LIMCH1: variants seen among roughly 807,000 people sequenced by gnomAD.
LIMCH1 encodes LIM and calponin homology domains-containing protein 1.
Under a neutral mutation model 176.5 loss-of-function variants are expected in LIMCH1, and 113 were observed. The observed-to-expected ratio is 0.64, with a 90% CI of 0.55 to 0.75. The LOEUF (loss-of-function observed/expected upper bound fraction) is 0.75. LIMCH1 is among the 30% of genes least tolerant of loss of function. The pLI, the probability that LIMCH1 is intolerant of heterozygous loss-of-function variation, is 0.00. For synonymous variants in LIMCH1, 619 were observed against 645.9 expected, an observed-to-expected ratio of 0.96 and a Z score of 0.63; for missense variants, 1,674 against 1,814.9, an observed-to-expected ratio of 0.92 and a Z score of 1.41.
chr4:41,632,696 G>C lies in LIMCH1; in HGVS notation c.1602-53G>C, dbSNP rs1238246519. 7.1e-6 allele frequency: 10 copies of C among 1,407,700 alleles called. No homozygotes were observed. In the East Asian group the frequency reaches 2.5e-4, roughly 35 times the overall value. The allele number at this position is 1,407,700 out of a possible 1,614,324, so 87.2% of individuals were successfully genotyped here. On this transcript the variant is annotated intron_variant, in intron 10 of 31. Transcript: ENST00000503057. ...CCAAGGACTTTCACTGTCTTCTTTC[G>C]TAACCCATGTTCCTCTCCTCTCTTG...
intron 1 of LIMCH1, among the ~76,000 whole-genome samples, chr4:41,550,445 C>G (rs942379258): frequency 6.6e-6 from 1 of 152,070 alleles, no homozygotes; most frequent in Non-Finnish European, 1.5e-5. Context: ...TCTCATTTCA[C>G]CATCTCTAGG....
chr4:41,378,644 A>G (rs770703232), intron 1 of LIMCH1, among the ~76,000 whole-genome samples: 1 of 152,182 alleles, frequency 6.6e-6, no homozygotes, highest in Non-Finnish European at 1.5e-5. Context: ...GGGAGGCCAT[A>G]GGGTTGTTGC....
intron 1 of LIMCH1, among the ~76,000 whole-genome samples, chr4:41,404,853 G>A (rs1016911789): frequency 6.6e-6 from 1 of 152,094 alleles, no homozygotes; most frequent in African/African-American, 2.4e-5. Flanking sequence ...TCCAGGGCAT[G>A]TTAGTTCATT....
At chr4:41,473,284 C>A in intron 1 of LIMCH1, 1 of 641,166 alleles carries the variant, frequency 1.6e-6, no homozygotes, top group Non-Finnish European at 1.9e-6. Flanking sequence ...ATGGTACATC[C>A]TGGTCCCATC....
chr4:41,375,139 T>C (rs1288199537), intron 1 of LIMCH1, among the ~76,000 whole-genome samples: 1 of 152,088 alleles, frequency 6.6e-6, no homozygotes, highest in East Asian at 1.9e-4. Flanking sequence ...AATGTGGTAA[T>C]ATACAAGAAC....
rs189137869 is a variant in LIMCH1, at chr4:41,393,250, T to G, written c.96+32314T>G. 6.0e-4 allele frequency among the ~76,000 whole-genome samples: 91 copies of G among 152,304 alleles called. 1 individual carries two copies. The highest frequency in any genetic ancestry group is 5.2e-3 in the Admixed American group (80 of 15,300). Reference sequence around the variant, plus strand: ...TGTCTCTGGCTTTCCTCGTTGAATGTGTACTCTCCTACCTGCTTGGGAGGA... The same window carrying G: ...TGTCTCTGGCTTTCCTCGTTGAATGGGTACTCTCCTACCTGCTTGGGAGGA... On this transcript the variant is annotated intron_variant, in intron 1 of 26. Coordinates refer to the LIMCH1 transcript ENST00000313860.
chr4:41,418,389 A>G (rs1387829604), intron 1 of LIMCH1, among the ~76,000 whole-genome samples: 1 of 152,206 alleles, frequency 6.6e-6, no homozygotes, highest in African/African-American at 2.4e-5. Context: ...GTGAGCAGCT[A>G]TTTAAGCATC....
intron 1 of LIMCH1, among the ~76,000 whole-genome samples, chr4:41,410,498 C>T (rs967941805): frequency 6.6e-6 from 1 of 152,104 alleles, no homozygotes; most frequent in African/African-American, 2.4e-5. Context: ...TTCAATGGTC[C>T]TTCTTTGCTC....
At chr4:41,644,427 G>C in intron 14 of LIMCH1, 73 bp from the exon 15 acceptor site, 1 of 1,410,210 alleles carries the variant, frequency 7.1e-7, no homozygotes, top group Non-Finnish European at 9.3e-7. Context: ...CCACGCGGCA[G>C]GACGCCCAGG....
intron 20 of LIMCH1, among the ~76,000 whole-genome samples, chr4:41,663,675 A>G (rs1457588029): frequency 6.6e-6 from 1 of 151,996 alleles, no homozygotes; most frequent in Non-Finnish European, 1.5e-5. Context: ...AAAAATATTC[A>G]TCAGTTACAC....
chr4:41,641,718 G>A (rs2152914109), intron 14 of LIMCH1, among the ~76,000 whole-genome samples: 1 of 152,250 alleles, frequency 6.6e-6, no homozygotes, highest in South Asian at 2.1e-4. Context: ...CAAAGTTTTG[G>A]CTGCACCCCA....
At chr4:41,608,399 G>A (rs543280578) in intron 4 of LIMCH1, among the ~76,000 whole-genome samples, 2 of 152,332 alleles carry the variant, frequency 1.3e-5, no homozygotes, top group South Asian at 2.1e-4. Context: ...GCTAAAAACT[G>A]TAGGCATTTT....
chr4:41,592,012 C>A (rs1219664776), intron 1 of LIMCH1, among the ~76,000 whole-genome samples: 1 of 152,220 alleles, frequency 6.6e-6, no homozygotes, highest in African/African-American at 2.4e-5. Context: ...TAGCAAGGAG[C>A]TTCTTGCTTG....
At chr4:41,451,282 A>ATT (rs751182247) in intron 1 of LIMCH1, among the ~76,000 whole-genome samples, 1 of 139,842 alleles carries the variant, frequency 7.2e-6, no homozygotes, top group African/African-American at 2.6e-5. Flanking sequence ...CGCCTGGCTA[A>ATT]TTTTTTTTTT....
intron 22 of LIMCH1, among the ~76,000 whole-genome samples, chr4:41,675,646 A>G (rs1046419929): frequency 6.6e-6 from 1 of 151,520 alleles, no homozygotes; most frequent in Non-Finnish European, 1.5e-5. Flanking sequence ...GCAGGCTGTG[A>G]TTTCCCTTCC....
chr4:41,566,806 A>T (rs1297913878), intron 1 of LIMCH1, among the ~76,000 whole-genome samples: 1 of 152,214 alleles, frequency 6.6e-6, no homozygotes, highest in African/African-American at 2.4e-5. Flanking sequence ...GAATAAACTT[A>T]AAAAAAGAAG....
At chr4:41,673,815 A>G (rs1031470198) in intron 22 of LIMCH1, among the ~76,000 whole-genome samples, 32 of 152,354 alleles carry the variant, frequency 2.1e-4, no homozygotes, top group African/African-American at 7.5e-4. Context: ...ACTTGTAAAC[A>G]GGTAAATTGT....
chr4:41,386,212 G>T (rs1188673256), intron 1 of LIMCH1, among the ~76,000 whole-genome samples: 16 of 149,110 alleles, frequency 1.1e-4, no homozygotes, highest in Non-Finnish European at 2.1e-4. Flanking sequence ...ACCTGTAAAT[G>T]GTTGCTATTC....
chr4:41,487,149 A>G (rs2069747256), intron 1 of LIMCH1, among the ~76,000 whole-genome samples: 1 of 151,940 alleles, frequency 6.6e-6, no homozygotes, highest in African/African-American at 2.4e-5. Context: ...GTGAGCCACC[A>G]CGCCCGGCCG....
Sources: gnomAD v4.1 joint callset for allele counts (sites outside exome capture counted in the v4.1 genomes callset) on GRCh38, gnomAD v4.1.1 for gene constraint, MANE v1.5 for transcripts, NCBI Gene and HGNC (gene_info 2026-07-23, HGNC 2026-07-21) for gene names.